RAB9B: variants seen among roughly 807,000 people sequenced by gnomAD.
The protein encoded by RAB9B is RAB9B, member RAS oncogene family.
Under a neutral mutation model 8.9 loss-of-function variants are expected in RAB9B, and 1 was observed. That is an observed-to-expected ratio of 0.11 (90% CI 0.04 to 0.53). The LOEUF (loss-of-function observed/expected upper bound fraction) is 0.53, where lower values mean the gene tolerates loss of function less well. Ranked by LOEUF, RAB9B falls within the 20% of genes least tolerant of loss-of-function variation. The probability of loss-of-function intolerance (pLI) is 0.93; values close to 1 mark genes in which losing one functional copy is unlikely to be tolerated. For synonymous variants in RAB9B, 63 were observed against 57.0 expected (o/e 1.10, Z -0.47); for missense variants, 82 against 152.9 (o/e 0.54, Z 2.45).
downstream of RAB9B, among the ~76,000 whole-genome samples, chrX:103,821,651 T>C (rs760107831): frequency 1.8e-5 from 2 of 112,425 alleles, no homozygotes; most frequent in East Asian, 5.5e-4. Context: ...TCACCTATAT[T>C]TTCATGTTTT....
At chrX:103,785,010 A>G in the RAB9B span, among the ~76,000 whole-genome samples, 1 of 112,309 alleles carries the variant, frequency 8.9e-6, no homozygotes, top group Non-Finnish European at 1.9e-5. Flanking sequence ...GAATTGCTGA[A>G]TTATTATTAT....
chrX:103,776,856 A>T, the RAB9B span: 5 of 602,132 alleles, frequency 8.3e-6, no homozygotes, highest in East Asian at 3.5e-5. Context: ...ATTGCAGGAG[A>T]AGAGGACAAA....
the RAB9B span, among the ~76,000 whole-genome samples, chrX:103,795,034 G>A: frequency 3.6e-5 from 4 of 111,894 alleles, no homozygotes; most frequent in Non-Finnish European, 7.5e-5. Flanking sequence ...ATATTTATTT[G>A]ATAAATTATC....
At chrX:103,776,711 G>A in the RAB9B span, 1 of 323,761 alleles carries the variant, frequency 3.1e-6, no homozygotes, top group Non-Finnish European at 5.4e-6. Context: ...AAGGCAGAAA[G>A]AGAAGATGGA....
the RAB9B span, among the ~76,000 whole-genome samples, chrX:103,811,072 T>C: frequency 9.0e-6 from 1 of 111,726 alleles, no homozygotes; most frequent in Non-Finnish European, 1.9e-5. Context: ...GAAGTCAGAA[T>C]TTACTCAATA....
the RAB9B span, among the ~76,000 whole-genome samples, chrX:103,809,622 C>T: frequency 8.9e-6 from 1 of 111,771 alleles, no homozygotes; most frequent in South Asian, 3.8e-4. Context: ...TTTTTAACCA[C>T]CTAGCCTGTG....
downstream of RAB9B, among the ~76,000 whole-genome samples, chrX:103,819,694 A>G (rs1471900711): frequency 8.9e-6 from 1 of 112,023 alleles, no homozygotes. Flanking sequence ...TTTTTCCTTT[A>G]TTCCATAAAC....
the RAB9B span, among the ~76,000 whole-genome samples, chrX:103,802,759 A>T: frequency 1.8e-5 from 2 of 111,372 alleles, no homozygotes; most frequent in African/African-American, 6.5e-5. Context: ...GACCACAACC[A>T]ATCTTAGAAC....
At chrX:103,809,115 G>T in the RAB9B span, among the ~76,000 whole-genome samples, 5 of 111,114 alleles carry the variant, frequency 4.5e-5, no homozygotes, top group Non-Finnish European at 3.8e-5. Context: ...AATGACATTG[G>T]TGTCCTTATA....
chrX:103,830,592 A>G (rs1028542293), intron 1 of RAB9B, among the ~76,000 whole-genome samples: 2 of 111,425 alleles, frequency 1.8e-5, no homozygotes, highest in African/African-American at 6.6e-5. Flanking sequence ...AGCATGCTCT[A>G]AGGATAGTTT....
intron 1 of RAB9B, among the ~76,000 whole-genome samples, chrX:103,830,554 C>T (rs780258972): frequency 8.1e-5 from 9 of 111,744 alleles, no homozygotes; most frequent in Non-Finnish European, 1.1e-4. Flanking sequence ...CGCAATTCCC[C>T]TTTCCTACCC....
chrX:103,778,499 T>C, the RAB9B span, among the ~76,000 whole-genome samples: 1 of 111,078 alleles, frequency 9.0e-6, no homozygotes, highest in Non-Finnish European at 1.9e-5. Flanking sequence ...AGGTTGTGCA[T>C]TAAAAACAGA....
At chrX:103,802,252 C>CAG in the RAB9B span, among the ~76,000 whole-genome samples, 104 of 94,376 alleles carry the variant, frequency 1.1e-3, no homozygotes, top group Middle Eastern at 0.011. Flanking sequence ...GGGAGAGAGA[C>CAG]AGAGAGAGAG....
Position 103,824,375 on chromosome X carries a change from C to T in RAB9B, c.*804G>A, listed in dbSNP as rs1308323331. 4 of 112,116 alleles carry T rather than the reference C, an allele frequency of 3.6e-5. No homozygotes were observed. The highest frequency in any genetic ancestry group is 5.6e-5 in the Non-Finnish European group (3 of 53,244). 9.2% of individuals were successfully genotyped at this position (112,116 alleles called of 1,213,427 possible). On this transcript the variant is annotated 3_prime_UTR_variant, in exon 3 of 3. Coordinates refer to ENST00000243298, the MANE Select transcript of RAB9B (RefSeq NM_016370.4). Reference sequence around the variant, plus strand: ...CAAATTCATATACTAAGCAGCATTGCTAAATTGGTAAGAGGTTGTCAGAGA... The same window carrying T: ...CAAATTCATATACTAAGCAGCATTGTTAAATTGGTAAGAGGTTGTCAGAGA...
the RAB9B span, among the ~76,000 whole-genome samples, chrX:103,802,236 A>AG: frequency 2.8e-5 from 2 of 72,509 alleles, no homozygotes; most frequent in African/African-American, 5.6e-5. Flanking sequence ...GAGAGAGAGA[A>AG]AAAAAGGGAG....
intron 1 of RAB9B, among the ~76,000 whole-genome samples, chrX:103,831,646 A>C (rs2074704015): frequency 9.3e-6 from 1 of 107,611 alleles, no homozygotes; most frequent in Non-Finnish European, 1.9e-5. Context: ...CTTGGGAGAC[A>C]AGAATGCTGG....
chrX:103,785,020 T>TTA, the RAB9B span, among the ~76,000 whole-genome samples: 27 of 112,353 alleles, frequency 2.4e-4, no homozygotes, highest in African/African-American at 8.1e-4. Context: ...ATTATTATTA[T>TTA]TTATTAAATA....
At chrX:103,795,798 T>C in the RAB9B span, among the ~76,000 whole-genome samples, 12 of 112,302 alleles carry the variant, frequency 1.1e-4, no homozygotes, top group South Asian at 4.4e-3. Flanking sequence ...GATGATATTA[T>C]CACAAGCTCA....
the RAB9B span, among the ~76,000 whole-genome samples, chrX:103,796,365 G>T: frequency 9.0e-6 from 1 of 111,373 alleles, no homozygotes; most frequent in Admixed American, 9.5e-5. Context: ...AGCTACTCAG[G>T]AGGCTGAGGA....
Sources: gnomAD v4.1 joint callset for allele counts (sites outside exome capture counted in the v4.1 genomes callset) on GRCh38, gnomAD v4.1.1 for gene constraint, MANE v1.5 for transcripts, NCBI Gene and HGNC (gene_info 2026-07-23, HGNC 2026-07-21) for gene names.